Variants in PCDHA6 observed in about 807,000 individuals in gnomAD.
PCDHA6 encodes protocadherin alpha-6.
Under a neutral mutation model 60.3 loss-of-function variants are expected in PCDHA6, and 55 were observed. The ratio of observed to expected loss-of-function variants is 0.91; its 90% confidence interval spans 0.73 to 1.14. The LOEUF (loss-of-function observed/expected upper bound fraction) is 1.14. PCDHA6 is among the 50% of genes most tolerant of loss of function. The probability of loss-of-function intolerance (pLI) is 0.00; values close to 1 mark genes in which losing one functional copy is unlikely to be tolerated. For missense variants in PCDHA6, 1,327 were observed against 1,256.5 expected (o/e 1.06, Z -0.85); for synonymous variants, 652 against 557.9 (o/e 1.17, Z -2.38).
At chr5:140,923,753 T>C (rs1554201575) in intron 1 of PCDHA6, among the ~76,000 whole-genome samples, 1 of 152,174 alleles carries the variant, frequency 6.6e-6, no homozygotes. Flanking sequence ...AGGCATATGG[T>C]GGGACAAATC....
intron 1 of PCDHA6, chr5:140,929,360 C>T (rs781864515): frequency 6.6e-7 from 1 of 1,519,748 alleles, no homozygotes; most frequent in Admixed American, 2.2e-5. Context: ...TTCCTTTGGC[C>T]CGGAGATGGC....
intron 1 of PCDHA6, chr5:140,967,197 AC>A: frequency 6.2e-7 from 1 of 1,613,542 alleles, no homozygotes; most frequent in Non-Finnish European, 8.5e-7. Context: ...ATCAACGACA[AC>A]TCACCGCGTT....
chr5:140,966,665 G>A, intron 1 of PCDHA6: 1 of 1,258,258 alleles, frequency 7.9e-7, no homozygotes. Flanking sequence ...GGGGGAGCAG[G>A]CGCAGGGTGG....
At chr5:140,926,483 A>C (rs1261469017) in intron 1 of PCDHA6, 4 of 168,788 alleles carry the variant, frequency 2.4e-5, no homozygotes, top group East Asian at 1.7e-4. Flanking sequence ...TAAGGAGAGA[A>C]GTGTTAGTGT....
chr5:140,870,090 G>A, intron 1 of PCDHA6: 3 of 1,613,854 alleles, frequency 1.9e-6, no homozygotes, highest in South Asian at 2.2e-5. Flanking sequence ...CTCCCCCAAT[G>A]GCAGGTCACT....
At position 140,929,210 on chromosome 5, in the gene PCDHA6, G is replaced by A. The variant is rs782078369; in HGVS notation, c.2395-49739G>A. The A allele has an allele frequency of 1.9e-6, 3 of 1,613,952 alleles. No individual in the cohort carries two copies. The South Asian group carries it at 3.3e-5, about 18-fold the overall frequency. The stretch of plus-strand genomic sequence containing the variant: ...GATAATAACAGTTTGCTGTTGCGTG[G>A]GGAGTACAATGCTGCCGACCTGCGA... On this transcript the variant is annotated intron_variant, in intron 1 of 3. Transcript: ENST00000529310.
At chr5:140,983,588 C>T (rs530448589) in intron 3 of PCDHA6, among the ~76,000 whole-genome samples, 2 of 152,270 alleles carry the variant, frequency 1.3e-5, no homozygotes, top group East Asian at 3.9e-4. Flanking sequence ...TACATCTATT[C>T]TACATATGAG....
At position 140,999,690 on chromosome 5, in the gene PCDHA6, G is replaced by A. The variant is rs113599808; in HGVS notation, c.2543-9937G>A. Among the ~76,000 whole-genome samples the A allele has an allele frequency of 6.4e-3, 977 of 152,230 alleles. 14 individuals are homozygous for A. Among genetic ancestry groups the A allele is most frequent in the African/African-American group, 0.023 (950 of 41,554 alleles). Reference sequence around the variant, plus strand: ...CGGGGGGCTCACAGAAAGAAGAAATGTGATTTTTTTTTAGCTAACTACGGA... The same window carrying A: ...CGGGGGGCTCACAGAAAGAAGAAATATGATTTTTTTTTAGCTAACTACGGA... On this transcript the variant is annotated intron_variant, in intron 3 of 3. Coordinates refer to ENST00000529310, the MANE Select transcript of PCDHA6 (RefSeq NM_018909.4).
At chr5:140,858,024 C>T (rs782656168) in intron 1 of PCDHA6, 4 of 1,596,582 alleles carry the variant, frequency 2.5e-6, no homozygotes, top group African/African-American at 1.3e-5. Context: ...CCGTCGCTGA[C>T]GGCCACGGCC....
At chr5:141,008,341 T>C (rs1307430556) in intron 3 of PCDHA6, among the ~76,000 whole-genome samples, 2 of 152,132 alleles carry the variant, frequency 1.3e-5, no homozygotes, top group African/African-American at 4.8e-5. Context: ...TGATGGAGCT[T>C]TTCACGTGTC....
intron 1 of PCDHA6, chr5:140,841,428 C>T (rs2150315251): frequency 3.7e-6 from 6 of 1,612,842 alleles, no homozygotes; most frequent in Admixed American, 1.7e-5. Context: ...TACTCCGTCC[C>T]CGAGGAGGCC....
At chr5:140,895,072 A>G (rs974661383) in intron 1 of PCDHA6, among the ~76,000 whole-genome samples, 1 of 152,090 alleles carries the variant, frequency 6.6e-6, no homozygotes, top group Admixed American at 6.5e-5. Flanking sequence ...CTCAATTCCT[A>G]TCAGTTCCTC....
intron 3 of PCDHA6, among the ~76,000 whole-genome samples, chr5:141,008,000 TA>T (rs2098355741): frequency 6.6e-6 from 1 of 152,264 alleles, no homozygotes; most frequent in Non-Finnish European, 1.5e-5. Context: ...TACATGTTAA[TA>T]AACTTCTGTT....
intron 1 of PCDHA6, among the ~76,000 whole-genome samples, chr5:140,976,868 CAAAG>C (rs1397427113): frequency 6.6e-5 from 10 of 152,120 alleles, no homozygotes; most frequent in African/African-American, 1.2e-4. Flanking sequence ...TACTGTCTGA[CAAAG>C]AAAGAATTAG....
intron 1 of PCDHA6, chr5:140,928,218 A>G: frequency 6.2e-7 from 1 of 1,614,190 alleles, no homozygotes; most frequent in East Asian, 2.2e-5. Flanking sequence ...ATGACAATAC[A>G]CCAAACTTTC....
intron 3 of PCDHA6, among the ~76,000 whole-genome samples, chr5:141,008,045 CAG>C (rs1416741468): frequency 2.0e-5 from 3 of 151,924 alleles, no homozygotes; most frequent in South Asian, 2.1e-4. Context: ...CCTTTTGTAA[CAG>C]GGGTCCAGTC....
At chr5:140,877,136 T>C (rs782812769) in intron 1 of PCDHA6, 2 of 1,613,760 alleles carry the variant, frequency 1.2e-6, no homozygotes, top group Non-Finnish European at 1.7e-6. Context: ...CAGGTGTTCG[T>C]GCTGGACGAG....
chr5:140,954,208 A>C (rs568734009), intron 1 of PCDHA6, among the ~76,000 whole-genome samples: 1 of 152,254 alleles, frequency 6.6e-6, no homozygotes, highest in Admixed American at 6.5e-5. Context: ...GGTTGATCCC[A>C]TGTTTTTGCT....
chr5:140,841,817 T>G lies in PCDHA6; in HGVS notation c.2394+11332T>G, dbSNP rs142905144. On this transcript the variant is annotated intron_variant, in intron 1 of 3. Coordinates refer to ENST00000529310, the MANE Select transcript of PCDHA6 (RefSeq NM_018909.4). ...GTCCGATGCAGATGTTGGAGCTAAC[T>G]CCGTGTTAACCTACAGGCTTAGCTC... 5.3e-5 allele frequency: 85 copies of G among 1,613,922 alleles called. No individual in the cohort carries two copies. The African/African-American group carries it at 1.1e-3, about 20-fold the overall frequency.
Sources: gnomAD v4.1 joint callset for allele counts (sites outside exome capture counted in the v4.1 genomes callset) on GRCh38, gnomAD v4.1.1 for gene constraint, MANE v1.5 for transcripts, NCBI Gene and HGNC (gene_info 2026-07-23, HGNC 2026-07-21) for gene names.